Variants in COL9A1 observed in about 807,000 individuals in gnomAD.
COL9A1 encodes collagen alpha-1(IX) chain.
COL9A1 carries 104 observed loss-of-function variants against 142.6 expected under a neutral mutation model. The observed-to-expected ratio is 0.73, with a 90% CI of 0.62 to 0.86. The LOEUF (loss-of-function observed/expected upper bound fraction) is 0.86. COL9A1 is among the 40% of genes least tolerant of loss of function. COL9A1 has a pLI of 0.00. For synonymous variants in COL9A1, 466 were observed against 396.0 expected, an observed-to-expected ratio of 1.18 and a Z score of -2.10; for missense variants, 1,210 against 1,176.6, an observed-to-expected ratio of 1.03 and a Z score of -0.42.
At chr6:70,233,528 T>C (rs1213587600) in intron 35 of COL9A1, among the ~76,000 whole-genome samples, 1 of 152,188 alleles carries the variant, frequency 6.6e-6, no homozygotes, top group Admixed American at 6.5e-5. Context: ...TCATGTAATA[T>C]TTTTTAAACT....
At position 70,216,834 on chromosome 6, in the gene COL9A1, T is replaced by C; in HGVS notation, c.*63A>G. The C allele has an allele frequency of 5.1e-6, 8 of 1,571,788 alleles. No homozygotes were observed. Among genetic ancestry groups the C allele is most frequent in the Non-Finnish European group, 7.0e-6 (8 of 1,144,158 alleles). On this transcript the variant is annotated 3_prime_UTR_variant, in exon 38 of 38. Coordinates refer to ENST00000357250, the MANE Select transcript of COL9A1 (RefSeq NM_001851.6). The stretch of plus-strand genomic sequence containing the variant: ...ATCTTTGCCCCAGCTTTGGATGGTG[T>C]TTCTCACCCAGGCTCCTTCACCAGG...
intron 28 of COL9A1, among the ~76,000 whole-genome samples, chr6:70,250,794 T>C (rs1179201596): frequency 6.6e-6 from 1 of 152,222 alleles, no homozygotes; most frequent in Admixed American, 6.5e-5. Context: ...TGTTTTAAAG[T>C]CAAATTTAAG....
chr6:70,298,207 C>T (rs1773917556), intron 4 of COL9A1, among the ~76,000 whole-genome samples: 1 of 152,178 alleles, frequency 6.6e-6, no homozygotes, highest in South Asian at 2.1e-4. Context: ...TGCTCTTCAC[C>T]ACTAATAATA....
chr6:70,216,879 C>A lies in COL9A1; in HGVS notation c.*18G>T. 1 of 1,613,488 alleles carries A rather than the reference C, an allele frequency of 6.2e-7. No homozygotes were observed. Among genetic ancestry groups the A allele is most frequent in the Non-Finnish European group, 8.5e-7 (1 of 1,179,932 alleles). ...ACCAGGCGTGGTTCATGCAGACAGC[C>A]ATGCAGCAGTAAGCCTTTCAAGGGT... On this transcript the variant is annotated 3_prime_UTR_variant, in exon 38 of 38. Transcript: ENST00000357250.
intron 37 of COL9A1, among the ~76,000 whole-genome samples, chr6:70,218,983 G>C (rs545874453): frequency 6.6e-6 from 1 of 152,128 alleles, no homozygotes; most frequent in East Asian, 1.9e-4. Context: ...TACCTAGTAA[G>C]TATGAAGCAG....
At position 70,254,877 on chromosome 6, in the gene COL9A1, T is replaced by C. The variant is rs139494795; in HGVS notation, c.1665+86A>G. 7.1e-4 allele frequency: 893 copies of C among 1,251,808 alleles called. 4 individuals carry two copies. In the African/African-American group the frequency reaches 0.01, roughly 15 times the overall value. 77.5% of individuals were successfully genotyped at this position (1,251,808 alleles called of 1,614,324 possible). On this transcript the variant is annotated intron_variant, in intron 24 of 37. Coordinates refer to ENST00000357250, the MANE Select transcript of COL9A1 (RefSeq NM_001851.6). The stretch of plus-strand genomic sequence containing the variant: ...GCCAAAGCTAGCTAAATAAATCTTT[T>C]GGTGATTTAGTAATGGAAATGCCAC...
At chr6:70,266,620 C>T (rs948377699) in intron 18 of COL9A1, 97 bp downstream of exon 18, 10 of 954,672 alleles carry the variant, frequency 1.0e-5, no homozygotes, top group East Asian at 4.8e-5. Flanking sequence ...GGTAAAATAT[C>T]GAGGTTCATT....
chr6:70,250,626 CT>C (rs1446105511), intron 28 of COL9A1, among the ~76,000 whole-genome samples: 2 of 152,132 alleles, frequency 1.3e-5, no homozygotes, highest in African/African-American at 4.8e-5. Context: ...GAATACATTG[CT>C]TTTCTCAAGT....
chr6:70,285,757 C>A (rs1020895056), intron 5 of COL9A1, among the ~76,000 whole-genome samples: 1 of 152,186 alleles, frequency 6.6e-6, no homozygotes. Context: ...ATAAAATGCC[C>A]TAGCAAAAGC....
chr6:70,238,706 GA>G (rs895294418), intron 33 of COL9A1, among the ~76,000 whole-genome samples: 47 of 151,802 alleles, frequency 3.1e-4, no homozygotes, highest in African/African-American at 1.1e-3. Context: ...CAATATGAAA[GA>G]AAAAAAACAC....
At chr6:70,245,350 G>A (rs903999434) in intron 28 of COL9A1, among the ~76,000 whole-genome samples, 1 of 152,168 alleles carries the variant, frequency 6.6e-6, no homozygotes, top group Non-Finnish European at 1.5e-5. Context: ...AAGCATGTGG[G>A]AGTTATTTAT....
intron 4 of COL9A1, among the ~76,000 whole-genome samples, chr6:70,297,045 G>A (rs1223742553): frequency 6.6e-6 from 1 of 152,032 alleles, no homozygotes; most frequent in Non-Finnish European, 1.5e-5. Context: ...GTGTTTAGGT[G>A]ACTCTTGTGA....
chr6:70,241,394 A>G, intron 31 of COL9A1, 25 bp downstream of exon 31: 2 of 1,594,446 alleles, frequency 1.3e-6, no homozygotes, highest in African/African-American at 1.3e-5. Flanking sequence ...ATTGCATTTT[A>G]TACCAATTAA....
At chr6:70,268,714 G>T (rs1368674214) in intron 17 of COL9A1, 90 bp downstream of exon 17, 3 of 1,168,614 alleles carry the variant, frequency 2.6e-6, no homozygotes, top group Non-Finnish European at 3.8e-6. Flanking sequence ...TCCAAGTGGG[G>T]TCTCTGCACC....
intron 4 of COL9A1, among the ~76,000 whole-genome samples, chr6:70,295,789 A>G (rs958615148): frequency 6.6e-6 from 1 of 152,226 alleles, no homozygotes; most frequent in Non-Finnish European, 1.5e-5. Flanking sequence ...AAAAATCAGC[A>G]TGTTAAATGT....
intron 4 of COL9A1, among the ~76,000 whole-genome samples, chr6:70,297,715 A>G (rs1453106916): frequency 1.3e-5 from 2 of 152,194 alleles, no homozygotes; most frequent in South Asian, 2.1e-4. Context: ...TGAAAGATTA[A>G]ATAGTCTTTG....
intron 2 of COL9A1, 53 bp downstream of exon 2, chr6:70,301,948 G>T: frequency 6.9e-7 from 1 of 1,438,976 alleles, no homozygotes; most frequent in Non-Finnish European, 9.7e-7. Context: ...AGCCCTGCCT[G>T]ATCATTTCTG....
intron 36 of COL9A1, among the ~76,000 whole-genome samples, chr6:70,231,710 G>A (rs1199800739): frequency 1.6e-5 from 2 of 128,786 alleles, no homozygotes; most frequent in African/African-American, 5.6e-5. Context: ...GAGCACCGCA[G>A]TACTTAAAAA....
At chr6:70,244,122 A>C (rs999803617) in intron 28 of COL9A1, among the ~76,000 whole-genome samples, 10 of 152,250 alleles carry the variant, frequency 6.6e-5, no homozygotes, top group African/African-American at 2.2e-4. Flanking sequence ...AGTTTACAAC[A>C]ATCTAGCAAT....
Sources: allele counts gnomAD v4.1 joint callset (sites outside exome capture counted in the v4.1 genomes callset), GRCh38; gene constraint gnomAD v4.1.1; transcripts MANE v1.5; gene names NCBI Gene and HGNC (gene_info 2026-07-23, HGNC 2026-07-21).